Variants in CFAP276 observed in about 807,000 individuals in gnomAD.
The protein encoded by CFAP276 is cilia- and flagella-associated protein 276.
chr1:109,111,309 A>C, the CFAP276 span, among the ~76,000 whole-genome samples: 1 of 152,148 alleles, frequency 6.6e-6, no homozygotes, highest in Non-Finnish European at 1.5e-5. Flanking sequence ...TCTACAAAAA[A>C]ATAAAATAAG....
chr1:109,107,130 A>G, the CFAP276 span: 3 of 1,611,462 alleles, frequency 1.9e-6, no homozygotes, highest in East Asian at 6.7e-5. Context: ...TATCTACAGA[A>G]GTCAGTCCCC....
At chr1:109,113,513 C>T in the CFAP276 span, 2 of 1,066,914 alleles carry the variant, frequency 1.9e-6, 1 homozygote. Flanking sequence ...GCAAACTCCT[C>T]GCTTAAACTC....
the CFAP276 span, chr1:109,113,517 T>A: frequency 1.0e-6 from 1 of 987,752 alleles, no homozygotes; most frequent in East Asian, 3.7e-5. Flanking sequence ...ACTCCTCGCT[T>A]AAACTCGGAT....
Sources: allele counts gnomAD v4.1 joint callset (sites outside exome capture counted in the v4.1 genomes callset), GRCh38; gene constraint gnomAD v4.1.1; transcripts MANE v1.5; gene names NCBI Gene and HGNC (gene_info 2026-07-23, HGNC 2026-07-21).